Variants in LRP1B observed in about 807,000 individuals in gnomAD.
LRP1B encodes the protein low-density lipoprotein receptor-related protein 1B.
In LRP1B, 217 loss-of-function variants were observed where a neutral mutation model predicts 556.6. The ratio of observed to expected loss-of-function variants is 0.39; its 90% confidence interval spans 0.35 to 0.44. The LOEUF (loss-of-function observed/expected upper bound fraction) is 0.44. Ranked by LOEUF, LRP1B falls within the 20% of genes least tolerant of loss-of-function variation. The probability of loss-of-function intolerance (pLI) is 1.00; values close to 1 mark genes in which losing one functional copy is unlikely to be tolerated. For missense variants in LRP1B, 5,053 were observed against 5,620.8 expected (o/e 0.90, Z 3.23); for synonymous variants, 2,047 against 1,865.8 (o/e 1.10, Z -2.50).
At chr2:141,767,612 G>C (rs990444161) in intron 2 of LRP1B, among the ~76,000 whole-genome samples, 1 of 152,066 alleles carries the variant, frequency 6.6e-6, no homozygotes, top group African/African-American at 2.4e-5. Flanking sequence ...CCCTCAGGTT[G>C]CTAAATATAA....
intron 3 of LRP1B, among the ~76,000 whole-genome samples, chr2:141,337,722 T>C (rs1203540326): frequency 1.3e-5 from 2 of 152,222 alleles, no homozygotes; most frequent in African/African-American, 2.4e-5. Context: ...GGCATTATTG[T>C]TTTAAAATTT....
At chr2:141,691,793 CA>C (rs1188364054) in intron 2 of LRP1B, among the ~76,000 whole-genome samples, 3 of 151,910 alleles carry the variant, frequency 2.0e-5, no homozygotes, top group Admixed American at 6.6e-5. Flanking sequence ...CCCCAAACTC[CA>C]TCTTCAACCT....
chr2:140,628,757 C>T (rs978554538), intron 41 of LRP1B, among the ~76,000 whole-genome samples: 2 of 151,936 alleles, frequency 1.3e-5, no homozygotes, highest in African/African-American at 4.8e-5. Flanking sequence ...ATTATAATTC[C>T]CAGTGTTGGA....
At chr2:140,467,202 A>C (rs971995446) in intron 60 of LRP1B, among the ~76,000 whole-genome samples, 15 of 152,178 alleles carry the variant, frequency 9.9e-5, no homozygotes, top group Non-Finnish European at 2.2e-4. Context: ...GAATGTAGTT[A>C]CTTTAACATA....
chr2:142,010,499 G>A (rs1477262140), intron 1 of LRP1B, among the ~76,000 whole-genome samples: 1 of 139,908 alleles, frequency 7.1e-6, no homozygotes, highest in Admixed American at 7.5e-5. Flanking sequence ...AGCTTGCAGT[G>A]AGCCGAGATC....
At chr2:140,729,286 C>G (rs1687696433) in intron 35 of LRP1B, among the ~76,000 whole-genome samples, 1 of 152,038 alleles carries the variant, frequency 6.6e-6, no homozygotes, top group African/African-American at 2.4e-5. Context: ...ACAGAGGCAA[C>G]CCATATTTTT....
intron 3 of LRP1B, among the ~76,000 whole-genome samples, chr2:141,295,756 C>CACACAA (rs1686157984): frequency 6.8e-6 from 1 of 146,888 alleles, no homozygotes; most frequent in Non-Finnish European, 1.5e-5. Flanking sequence ...AACACACACA[C>CACACAA]ACACACACAC....
chr2:141,091,375 G>A (rs7564472), intron 7 of LRP1B, among the ~76,000 whole-genome samples: 54,220 of 152,100 alleles, frequency 0.36, 10,099 homozygotes, highest in East Asian at 0.67. Flanking sequence ...ATATTATTCA[G>A]TGTCATTTTG....
intron 25 of LRP1B, among the ~76,000 whole-genome samples, chr2:140,883,487 G>C (rs1046998318): frequency 3.3e-5 from 5 of 150,978 alleles, no homozygotes; most frequent in African/African-American, 7.3e-5. Flanking sequence ...GCAGGGCAAA[G>C]AGAAATTCAT....
At chr2:141,016,450 T>C (rs1289047345) in intron 12 of LRP1B, among the ~76,000 whole-genome samples, 1 of 152,086 alleles carries the variant, frequency 6.6e-6, no homozygotes, top group Non-Finnish European at 1.5e-5. Context: ...TTGGGTTTGT[T>C]TGGCTAGGTC....
intron 1 of LRP1B, among the ~76,000 whole-genome samples, chr2:141,979,461 G>A (rs191270098): frequency 4.9e-4 from 74 of 152,086 alleles, no homozygotes; most frequent in African/African-American, 1.7e-3. Flanking sequence ...AAATTACACA[G>A]GCTAGGTAGA....
intron 2 of LRP1B, among the ~76,000 whole-genome samples, chr2:141,632,762 G>C (rs1418595982): frequency 6.6e-6 from 1 of 150,944 alleles, no homozygotes; most frequent in African/African-American, 2.4e-5. Flanking sequence ...CATAAAAATT[G>C]ATCAAAGTCA....
intron 3 of LRP1B, among the ~76,000 whole-genome samples, chr2:141,454,440 G>A (rs59663338): frequency 0.07 from 10,712 of 152,076 alleles, 740 homozygotes; most frequent in African/African-American, 0.17. Context: ...CCTTCCCTGC[G>A]TGCACTGCCC....
chr2:141,015,946 T>C (rs1697887764), intron 12 of LRP1B, 31 bp from the exon 13 acceptor site: 1 of 1,495,924 alleles, frequency 6.7e-7, no homozygotes, highest in African/African-American at 1.4e-5. Context: ...CAAAAATGCA[T>C]ACATGTTATT....
chr2:141,516,356 T>A (rs937670239), intron 2 of LRP1B, among the ~76,000 whole-genome samples: 2 of 152,214 alleles, frequency 1.3e-5, no homozygotes, highest in Non-Finnish European at 2.9e-5. Flanking sequence ...GATAATGAAC[T>A]GTTCTGATTA....
rs781634525 is a variant in LRP1B at position 141,049,240 on chromosome 2, C to T, written c.1553-18G>A. ...CTTTGGTCCTGCAGAGGAAAGATTA[C>T]AAACACAAACAACTGATGCTGCTTA... On this transcript the variant is annotated intron_variant, in intron 10 of 90. Transcript: ENST00000389484. 1 of 1,467,252 alleles carries T rather than the reference C, an allele frequency of 6.8e-7. No individual in the cohort carries two copies. The highest frequency in any genetic ancestry group is 1.7e-5 in the Admixed American group (1 of 59,604). 90.9% of individuals were successfully genotyped at this position (1,467,252 alleles called of 1,614,324 possible). A position where few individuals can be genotyped will look rare whatever the true frequency, so the allele number is the denominator to read the frequency against.
chr2:140,277,094 T>C (rs1035933301), intron 84 of LRP1B, among the ~76,000 whole-genome samples: 17 of 151,746 alleles, frequency 1.1e-4, no homozygotes, highest in African/African-American at 4.1e-4. Flanking sequence ...GCTTTTTTTT[T>C]ATAACTATAC....
At chr2:141,721,198 A>G (rs1162040151) in intron 2 of LRP1B, among the ~76,000 whole-genome samples, 1 of 152,190 alleles carries the variant, frequency 6.6e-6, no homozygotes, top group Non-Finnish European at 1.5e-5. Flanking sequence ...GATGTTTTCT[A>G]TATCATGTTC....
chr2:140,837,212 G>T (rs932394765), intron 31 of LRP1B, among the ~76,000 whole-genome samples: 1 of 152,092 alleles, frequency 6.6e-6, no homozygotes, highest in Non-Finnish European at 1.5e-5. Context: ...AAGAGATTTT[G>T]TCTTGATTAT....
Sources: gnomAD v4.1 joint callset for allele counts (sites outside exome capture counted in the v4.1 genomes callset) on GRCh38, gnomAD v4.1.1 for gene constraint, MANE v1.5 for transcripts, NCBI Gene and HGNC (gene_info 2026-07-23, HGNC 2026-07-21) for gene names.